PTPRD: variants seen among roughly 807,000 people sequenced by gnomAD.
PTPRD encodes protein tyrosine phosphatase receptor type D.
PTPRD carries 34 observed loss-of-function variants against 214.5 expected under a neutral mutation model. The observed-to-expected ratio is 0.16, with a 90% CI of 0.12 to 0.21. The LOEUF is 0.21. Ranked by LOEUF, PTPRD falls within the 10% of genes least tolerant of loss-of-function variation. The probability of loss-of-function intolerance (pLI) is 1.00; values close to 1 mark genes in which losing one functional copy is unlikely to be tolerated. For synonymous variants in PTPRD, 1,128 were observed against 845.7 expected (o/e 1.33, Z -5.79); for missense variants, 2,545 against 2,398.7 (o/e 1.06, Z -1.27).
intron 7 of PTPRD, among the ~76,000 whole-genome samples, chr9:9,612,737 C>T (rs988403993): frequency 2.6e-5 from 4 of 151,862 alleles, no homozygotes; most frequent in Admixed American, 2.0e-4. Context: ...AAAGGAGATA[C>T]ATAATTCTTC....
At chr9:9,092,717 C>T (rs10977481) in intron 10 of PTPRD, among the ~76,000 whole-genome samples, 21,156 of 151,856 alleles carry the variant, frequency 0.14, 1,729 homozygotes, top group East Asian at 0.22. Flanking sequence ...TTAAGATATA[C>T]AAACTTAATA....
intron 9 of PTPRD, among the ~76,000 whole-genome samples, chr9:9,366,687 T>C (rs2057978652): frequency 6.6e-6 from 1 of 151,578 alleles, no homozygotes; most frequent in African/African-American, 2.4e-5. Context: ...ACACTGATTT[T>C]AGTAAATGAA....
intron 4 of PTPRD, among the ~76,000 whole-genome samples, chr9:9,940,918 C>T (rs992063256): frequency 6.6e-6 from 1 of 151,992 alleles, no homozygotes; most frequent in African/African-American, 2.4e-5. Context: ...GTGACCATTC[C>T]CTTCTTGTTC....
At chr9:9,589,135 G>A (rs1359567464) in intron 7 of PTPRD, among the ~76,000 whole-genome samples, 2 of 151,884 alleles carry the variant, frequency 1.3e-5, no homozygotes, top group Non-Finnish European at 2.9e-5. Context: ...GTTTCTAAAT[G>A]TATGAAATTG....
intron 5 of PTPRD, among the ~76,000 whole-genome samples, chr9:9,933,393 C>T (rs1223344425): frequency 1.3e-5 from 2 of 151,652 alleles, no homozygotes; most frequent in Non-Finnish European, 2.9e-5. Flanking sequence ...ATCTACCAAG[C>T]AAATGGAAAA....
chr9:8,481,671 T>C (rs1401755888), intron 30 of PTPRD, among the ~76,000 whole-genome samples: 1 of 152,206 alleles, frequency 6.6e-6, no homozygotes. Flanking sequence ...GAGACCTTTA[T>C]TTTAGTCTTT....
chr9:10,070,621 C>T (rs753153473), intron 3 of PTPRD, among the ~76,000 whole-genome samples: 1 of 151,854 alleles, frequency 6.6e-6, no homozygotes, highest in Non-Finnish European at 1.5e-5. Context: ...TTACTATATA[C>T]TTCTTTGATT....
At chr9:8,488,500 T>C (rs1215029380) in intron 27 of PTPRD, among the ~76,000 whole-genome samples, 1 of 152,196 alleles carries the variant, frequency 6.6e-6, no homozygotes, top group African/African-American at 2.4e-5. Context: ...AACATGTGTG[T>C]TGAAGGTAGG....
At chr9:9,293,445 G>T (rs1463682693) in intron 9 of PTPRD, among the ~76,000 whole-genome samples, 3 of 146,916 alleles carry the variant, frequency 2.0e-5, no homozygotes, top group Non-Finnish European at 3.0e-5. Flanking sequence ...ACTACAAGCT[G>T]TCCCAGGCAT....
intron 2 of PTPRD, among the ~76,000 whole-genome samples, chr9:10,352,117 T>A (rs1196259449): frequency 6.6e-6 from 1 of 152,012 alleles, no homozygotes; most frequent in East Asian, 1.9e-4. Flanking sequence ...GCAAATCATA[T>A]TTATCTCATT....
chr9:10,433,660 G>A (rs1218270222), intron 2 of PTPRD, among the ~76,000 whole-genome samples: 2 of 151,832 alleles, frequency 1.3e-5, no homozygotes, highest in African/African-American at 4.8e-5. Flanking sequence ...CAATGGGGAG[G>A]AATACAACAT....
chr9:9,154,592 T>C (rs550559278), intron 10 of PTPRD, among the ~76,000 whole-genome samples: 2 of 152,284 alleles, frequency 1.3e-5, no homozygotes, highest in East Asian at 1.9e-4. Flanking sequence ...CCCCAAATTA[T>C]TACATGAATT....
intron 10 of PTPRD, among the ~76,000 whole-genome samples, chr9:9,022,421 G>A (rs1569445079): frequency 6.6e-6 from 1 of 151,902 alleles, no homozygotes; most frequent in Non-Finnish European, 1.5e-5. Flanking sequence ...TATTTTTATT[G>A]TACCTTTTCC....
At position 8,739,392 on chromosome 9, in the gene PTPRD, GT is replaced by G. The variant is rs200773291; in HGVS notation, c.-103-5447del. ...ATATAACTTTCTTCAGGATAGAAAT[GT>G]TTTTTTATCTGCATTGACTAATAAT... On this transcript the variant is annotated intron_variant, in intron 11 of 45. Coordinates refer to ENST00000381196, the MANE Select transcript of PTPRD (RefSeq NM_002839.4). Among the ~76,000 whole-genome samples the G allele has an allele frequency of 3.1e-3, 476 of 151,348 alleles. 3 individuals carry two copies. Among genetic ancestry groups the G allele is most frequent in the African/African-American group, 0.011 (458 of 40,650 alleles).
At chr9:9,110,711 C>A (rs1569544980) in intron 10 of PTPRD, among the ~76,000 whole-genome samples, 1 of 152,172 alleles carries the variant, frequency 6.6e-6, no homozygotes, top group Non-Finnish European at 1.5e-5. Context: ...AGACCACCAT[C>A]AACTCAGCCT....
intron 2 of PTPRD, among the ~76,000 whole-genome samples, chr9:10,475,763 CA>C (rs1053889666): frequency 2.6e-5 from 4 of 152,002 alleles, no homozygotes; most frequent in African/African-American, 9.7e-5. Flanking sequence ...AGCAGCAAAT[CA>C]AAAAGCTTAT....
chr9:9,740,928 T>C (rs866185398), intron 6 of PTPRD, among the ~76,000 whole-genome samples: 3 of 152,272 alleles, frequency 2.0e-5, no homozygotes, highest in Middle Eastern at 3.4e-3. Context: ...ATATTCTATG[T>C]GGCTGAAGTC....
intron 39 of PTPRD, among the ~76,000 whole-genome samples, chr9:8,346,639 C>T (rs890367082): frequency 3.9e-5 from 6 of 152,040 alleles, no homozygotes; most frequent in African/African-American, 4.8e-5. Flanking sequence ...CTCGGTTATC[C>T]GATGGACTGC....
At chr9:9,310,392 G>A (rs1045569103) in intron 9 of PTPRD, among the ~76,000 whole-genome samples, 1 of 151,980 alleles carries the variant, frequency 6.6e-6, no homozygotes, top group African/African-American at 2.4e-5. Flanking sequence ...CCTGCTTGGG[G>A]TTTCTTCTCT....
Sources: gnomAD v4.1 joint callset for allele counts (sites outside exome capture counted in the v4.1 genomes callset) on GRCh38, gnomAD v4.1.1 for gene constraint, MANE v1.5 for transcripts, NCBI Gene and HGNC (gene_info 2026-07-23, HGNC 2026-07-21) for gene names.